Variants in DNAH11 observed in about 807,000 individuals in gnomAD.
DNAH11 encodes axonemal beta dynein heavy chain 11.
A neutral mutation model predicts 526.0 loss-of-function variants in DNAH11; 442 were observed. That is an observed-to-expected ratio of 0.84 (90% CI 0.78 to 0.91). The LOEUF (loss-of-function observed/expected upper bound fraction) is 0.91. Ranked by LOEUF, DNAH11 falls within the 40% of genes least tolerant of loss-of-function variation. The probability of loss-of-function intolerance (pLI) is 0.00; values close to 1 mark genes in which losing one functional copy is unlikely to be tolerated. For synonymous variants in DNAH11, 2,461 were observed against 1,935.9 expected, an observed-to-expected ratio of 1.27 and a Z score of -7.12; for missense variants, 6,989 against 5,448.7, an observed-to-expected ratio of 1.28 and a Z score of -8.90.
intron 25 of DNAH11, among the ~76,000 whole-genome samples, chr7:21,632,574 T>C (rs767415557): frequency 2.6e-5 from 4 of 152,166 alleles, no homozygotes; most frequent in Non-Finnish European, 5.9e-5. Context: ...CAAAAATCTC[T>C]AGGGCAGGGG....
chr7:21,866,977 G>T (rs1318436040), intron 71 of DNAH11, among the ~76,000 whole-genome samples: 1 of 152,182 alleles, frequency 6.6e-6, no homozygotes, highest in Non-Finnish European at 1.5e-5. Flanking sequence ...ATGCATTCAT[G>T]CATTATCCAA....
In DNAH11 at chr7:21,789,652, A is replaced by G. The variant is rs147497015; in HGVS notation, c.10026+310A>G. Among the ~76,000 whole-genome samples, 1,813 of 152,252 alleles carry G rather than the reference A, an allele frequency of 0.012. 40 individuals carry two copies. Among genetic ancestry groups the G allele is most frequent in the African/African-American group, 0.041 (1,722 of 41,530 alleles). ...CTTCTGGAGTCAGACTATCTGGCTT[A>G]TATCTTGGCTCCACTGTTTACTGTT... is the stretch of plus-strand genomic sequence containing the variant. On this transcript the variant is annotated intron_variant, in intron 61 of 81. Coordinates refer to ENST00000409508, the MANE Select transcript of DNAH11 (RefSeq NM_001277115.2).
chr7:21,736,520 A>G (rs1160409742), intron 46 of DNAH11, among the ~76,000 whole-genome samples: 1 of 152,224 alleles, frequency 6.6e-6, no homozygotes, highest in Non-Finnish European at 1.5e-5. Flanking sequence ...GTTGCCTTGA[A>G]TGTGGGCTCC....
chr7:21,879,298 T>C (rs952981073), intron 74 of DNAH11, among the ~76,000 whole-genome samples: 2 of 151,750 alleles, frequency 1.3e-5, no homozygotes, highest in African/African-American at 4.8e-5. Context: ...TTTAAAAATA[T>C]ATACAAAAAT....
chr7:21,564,045 GATAA>G, intron 5 of DNAH11, 137 bp from the exon 6 acceptor site: 1 of 553,128 alleles, frequency 1.8e-6, no homozygotes, highest in Admixed American at 3.4e-5. Context: ...TAGATTGTAG[GATAA>G]GTAATATAAA....
intron 61 of DNAH11, among the ~76,000 whole-genome samples, chr7:21,791,765 A>G (rs1357140494): frequency 5.9e-5 from 9 of 152,188 alleles, no homozygotes; most frequent in Non-Finnish European, 1.0e-4. Context: ...CCCTCTTCCT[A>G]TAGAAAAATC....
At chr7:21,728,774 A>C (rs1054711357) in intron 45 of DNAH11, among the ~76,000 whole-genome samples, 1 of 152,216 alleles carries the variant, frequency 6.6e-6, no homozygotes. Flanking sequence ...CATAGGATAG[A>C]CCTTTCTATT....
intron 42 of DNAH11, among the ~76,000 whole-genome samples, 176 bp downstream of exon 42, chr7:21,712,036 A>T (rs982083697): frequency 6.6e-6 from 1 of 151,950 alleles, no homozygotes; most frequent in Non-Finnish European, 1.5e-5. Context: ...ATAACACCTC[A>T]TTCTCCCCTC....
At chr7:21,596,009 G>A (rs377275316) in intron 14 of DNAH11, among the ~76,000 whole-genome samples, 1 of 152,178 alleles carries the variant, frequency 6.6e-6, no homozygotes. Context: ...GTAAAGTACA[G>A]TACATTTGAT....
At chr7:21,682,846 T>C (rs1419960650) in intron 31 of DNAH11, among the ~76,000 whole-genome samples, 2 of 152,210 alleles carry the variant, frequency 1.3e-5, no homozygotes, top group African/African-American at 4.8e-5. Context: ...CATAAACATA[T>C]ATTAACATTC....
chr7:21,765,383 C>T, intron 54 of DNAH11, 45 bp from the exon 55 acceptor site: 1 of 1,611,560 alleles, frequency 6.2e-7, no homozygotes. Flanking sequence ...ATTCTCTGCT[C>T]ATTCATCACC....
At chr7:21,834,666 C>A (rs1484428469) in intron 65 of DNAH11, among the ~76,000 whole-genome samples, 1 of 151,976 alleles carries the variant, frequency 6.6e-6, no homozygotes, top group Admixed American at 6.6e-5. Context: ...AACCCTATTT[C>A]TATGAAAAAT....
chr7:21,866,591 A>G lies in DNAH11; in HGVS notation c.11618A>G (p.Lys3873Arg), dbSNP rs752618868. Residue 3873 changes from lysine to arginine, a missense_variant, in exon 71 of 82, where the codon AAG becomes AGG. Coordinates refer to ENST00000409508, the MANE Select transcript of DNAH11 (RefSeq NM_001277115.2). ...PEKEKLPQEW[K>R]KKSLIQKLIL... ...AAAGAAAAATTACCTCAAGAATGGA[A>G]GAAGAAAAGTTTAATACAGAAGCTG... 6.2e-7 allele frequency: 1 copy of G among 1,613,866 alleles called. No homozygotes were observed. Among genetic ancestry groups the G allele is most frequent in the East Asian group, 2.2e-5 (1 of 44,886 alleles).
intron 57 of DNAH11, among the ~76,000 whole-genome samples, chr7:21,780,274 A>G (rs186546382): frequency 6.6e-6 from 1 of 152,280 alleles, no homozygotes; most frequent in East Asian, 1.9e-4. Flanking sequence ...TATTGGGCTG[A>G]GTACAGTGGC....
At chr7:21,769,721 GT>G (rs1326262353) in intron 55 of DNAH11, among the ~76,000 whole-genome samples, 2 of 152,054 alleles carry the variant, frequency 1.3e-5, no homozygotes, top group East Asian at 3.9e-4. Context: ...TTGACCTCGG[GT>G]TATCTGCCTG....
intron 67 of DNAH11, 64 bp from the exon 68 acceptor site, chr7:21,854,251 C>T: frequency 6.5e-7 from 1 of 1,549,764 alleles, no homozygotes; most frequent in Non-Finnish European, 8.7e-7. Context: ...CCTTCCATTC[C>T]TTGGATATGC....
chr7:21,606,197 C>T lies in DNAH11; in HGVS notation c.3649-229C>T, dbSNP rs566998761. On this transcript the variant is annotated intron_variant, in intron 18 of 81. Coordinates refer to ENST00000409508, the MANE Select transcript of DNAH11 (RefSeq NM_001277115.2). ...AATTATCTGGGCATGGTGGTACATG[C>T]CTGTAGTTCCAGCTACTGGGGAGAC... Among the ~76,000 whole-genome samples the T allele has an allele frequency of 3.9e-5, 6 of 152,182 alleles. No homozygotes were observed. The South Asian group carries it at 1.0e-3, about 26-fold the overall frequency.
chr7:21,648,855 TTTTTGTTTTC>T (rs1281123782), intron 28 of DNAH11, among the ~76,000 whole-genome samples: 1 of 152,142 alleles, frequency 6.6e-6, no homozygotes, highest in Non-Finnish European at 1.5e-5. Flanking sequence ...CTAATCCAAG[TTTTTGTTTTC>T]TTTATTTCTT....
Position 21,744,338 on chromosome 7 carries a change from C to T in DNAH11, c.8155-100C>T. 3 of 1,270,526 alleles carry T rather than the reference C, an allele frequency of 2.4e-6. No homozygotes were observed. In the South Asian group the frequency reaches 4.1e-5, roughly 17 times the overall value. The allele number at this position is 1,270,526 out of a possible 1,614,324, so 78.7% of individuals were successfully genotyped here. A position where few individuals can be genotyped will look rare whatever the true frequency, so the allele number is the denominator to read the frequency against. On this transcript the variant is annotated intron_variant, in intron 49 of 81. Transcript: ENST00000409508. ...TTACTATTGATGATATTTCTTTTAACCATTTGCTAAGTTCACATTTTAGTT... is the reference window on the plus strand; with the variant it reads ...TTACTATTGATGATATTTCTTTTAATCATTTGCTAAGTTCACATTTTAGTT...
Sources: gnomAD v4.1 joint callset for allele counts (sites outside exome capture counted in the v4.1 genomes callset) on GRCh38, gnomAD v4.1.1 for gene constraint, MANE v1.5 for transcripts, NCBI Gene and HGNC (gene_info 2026-07-23, HGNC 2026-07-21) for gene names.